SLIT3: variants seen among roughly 807,000 people sequenced by gnomAD.
SLIT3 encodes slit guidance ligand 3, also known as slit homolog 3 protein.
In SLIT3, 68 loss-of-function variants were observed where a neutral mutation model predicts 184.0. The ratio of observed to expected loss-of-function variants is 0.37; its 90% CI spans 0.30 to 0.45. SLIT3 has a LOEUF of 0.45. SLIT3 is among the 20% of genes least tolerant of loss of function. The probability of loss-of-function intolerance (pLI) is 1.00; values close to 1 mark genes in which losing one functional copy is unlikely to be tolerated. For synonymous variants in SLIT3, 831 were observed against 828.6 expected (o/e 1.00, Z -0.05); for missense variants, 1,707 against 2,026.0 (o/e 0.84, Z 3.02).
intron 4 of SLIT3, among the ~76,000 whole-genome samples, chr5:169,187,740 G>C (rs1763404835): frequency 1.3e-5 from 2 of 151,736 alleles, no homozygotes; most frequent in South Asian, 4.2e-4. Flanking sequence ...TTTTAGTAGA[G>C]ACGGGGTTTC....
At chr5:169,285,693 C>A (rs1027830075) in intron 1 of SLIT3, among the ~76,000 whole-genome samples, 4 of 152,202 alleles carry the variant, frequency 2.6e-5, no homozygotes. Context: ...TACTCAGAGG[C>A]CACCATGTTG....
chr5:169,005,574 A>G (rs1202372448), intron 4 of SLIT3, among the ~76,000 whole-genome samples: 1 of 152,208 alleles, frequency 6.6e-6, no homozygotes, highest in Non-Finnish European at 1.5e-5. Flanking sequence ...GTTTAACACC[A>G]TTTGGAAAGG....
At chr5:169,168,454 C>T (rs372820833) in intron 4 of SLIT3, among the ~76,000 whole-genome samples, 1 of 152,158 alleles carries the variant, frequency 6.6e-6, no homozygotes, top group South Asian at 2.1e-4. Flanking sequence ...AAATGCACTC[C>T]ACTAGTCAGA....
intron 4 of SLIT3, among the ~76,000 whole-genome samples, chr5:169,002,810 T>C (rs1406341622): frequency 2.0e-5 from 3 of 152,282 alleles, no homozygotes; most frequent in Non-Finnish European, 2.9e-5. Flanking sequence ...TACTGTTTAC[T>C]TGTTTTACCT....
rs1760477351 is a variant in SLIT3 at position 168,891,896 on chromosome 5, C to T, written c.414-8560G>A. On this transcript the variant is annotated intron_variant, in intron 4 of 35. Coordinates refer to ENST00000519560, the MANE Select transcript of SLIT3 (RefSeq NM_003062.4). ...AGGAAGTCGGGCTGCATGTGGACAACAGGAATAGTCAGAAAGCGAGCTGGG... is the reference window on the plus strand; with the variant it reads ...AGGAAGTCGGGCTGCATGTGGACAATAGGAATAGTCAGAAAGCGAGCTGGG... Among the ~76,000 whole-genome samples the T allele has an allele frequency of 2.0e-5, 3 of 152,138 alleles. No homozygotes were observed. The South Asian group carries it at 6.2e-4, about 32-fold the overall frequency.
At chr5:169,132,181 A>G (rs1173982696) in intron 4 of SLIT3, among the ~76,000 whole-genome samples, 1 of 152,180 alleles carries the variant, frequency 6.6e-6, no homozygotes, top group Non-Finnish European at 1.5e-5. Flanking sequence ...GGTAAAGAAA[A>G]AGGAAGGGGG....
At chr5:168,730,117 A>G (rs1205386738) in intron 20 of SLIT3, among the ~76,000 whole-genome samples, 1 of 152,094 alleles carries the variant, frequency 6.6e-6, no homozygotes, top group Non-Finnish European at 1.5e-5. Context: ...AACAGTAAAA[A>G]AAAAAGACAA....
At chr5:168,837,168 A>G (rs1010996576) in intron 6 of SLIT3, among the ~76,000 whole-genome samples, 1 of 152,296 alleles carries the variant, frequency 6.6e-6, no homozygotes, top group African/African-American at 2.4e-5. Context: ...GATGCTTTCT[A>G]TAGAGTGCAA....
intron 4 of SLIT3, among the ~76,000 whole-genome samples, chr5:168,899,895 T>C (rs62377165): frequency 0.079 from 12,052 of 152,108 alleles, 619 homozygotes; most frequent in Non-Finnish European, 0.12. Flanking sequence ...GTGTCTGTGG[T>C]CTCTCACCCT....
intron 4 of SLIT3, among the ~76,000 whole-genome samples, chr5:169,136,255 G>A (rs893800776): frequency 3.3e-5 from 5 of 152,204 alleles, no homozygotes; most frequent in African/African-American, 1.2e-4. Context: ...CTACGAGACT[G>A]AAACAGCAGT....
intron 4 of SLIT3, among the ~76,000 whole-genome samples, chr5:169,042,122 G>C (rs1053424103): frequency 6.6e-6 from 1 of 152,158 alleles, no homozygotes; most frequent in South Asian, 2.1e-4. Context: ...ATCGTAGAAC[G>C]GTCCAGTTCA....
chr5:169,158,486 T>A (rs569586939), intron 4 of SLIT3, among the ~76,000 whole-genome samples: 2 of 151,850 alleles, frequency 1.3e-5, no homozygotes, highest in South Asian at 4.2e-4. Context: ...AAAAAAATCC[T>A]CTAAACAAAA....
rs112603434 is a variant in SLIT3 at position 169,296,329 on chromosome 5, T to A, written c.197+4184A>T. Among the ~76,000 whole-genome samples, 243 of 152,292 alleles carry A rather than the reference T, an allele frequency of 1.6e-3. 1 individual carries two copies. The highest frequency in any genetic ancestry group is 5.8e-3 in the African/African-American group (239 of 41,548). On this transcript the variant is annotated intron_variant, in intron 1 of 35. Transcript: ENST00000519560. ...AGTTCCCCCAGTGGACTATAACCAC[T>A]AAGAAAACCACTAAGACTATACAAG... is the stretch of plus-strand genomic sequence containing the variant.
At chr5:168,728,605 A>G (rs1227180270) in intron 20 of SLIT3, among the ~76,000 whole-genome samples, 1 of 152,114 alleles carries the variant, frequency 6.6e-6, no homozygotes, top group African/African-American at 2.4e-5. Context: ...ATTTCCAAGG[A>G]CACAGACATC....
At chr5:169,005,882 GCAAA>G (rs1755905794) in intron 4 of SLIT3, among the ~76,000 whole-genome samples, 1 of 152,218 alleles carries the variant, frequency 6.6e-6, no homozygotes, top group Non-Finnish European at 1.5e-5. Flanking sequence ...GGTTGGTGTT[GCAAA>G]CAAACAGCAG....
intron 4 of SLIT3, among the ~76,000 whole-genome samples, chr5:168,974,162 T>C (rs896384088): frequency 3.3e-5 from 5 of 152,216 alleles, no homozygotes; most frequent in African/African-American, 1.2e-4. Flanking sequence ...TGCAGCGTCT[T>C]GTTCAAGGTC....
chr5:168,891,355 A>C (rs1183026143), intron 4 of SLIT3, among the ~76,000 whole-genome samples: 1 of 152,160 alleles, frequency 6.6e-6, no homozygotes, highest in Non-Finnish European at 1.5e-5. Context: ...AGGCTGACCT[A>C]GAAGGGTAAG....
chr5:168,980,051 G>GCAAAAACACACAACTCCGAGGCCC (rs1290686979), intron 4 of SLIT3, among the ~76,000 whole-genome samples: 2 of 151,998 alleles, frequency 1.3e-5, no homozygotes, highest in Admixed American at 6.6e-5. Flanking sequence ...TCACCAAGCA[G>GCAAAAACACACAACTCCGAGGCCC]CAAAAACACA....
intron 20 of SLIT3, among the ~76,000 whole-genome samples, chr5:168,743,546 C>T (rs1358683657): frequency 2.6e-5 from 4 of 152,172 alleles, no homozygotes; most frequent in Non-Finnish European, 4.4e-5. Context: ...TCCCTCTCCT[C>T]GGACCTCCCT....
Sources: allele counts gnomAD v4.1 joint callset (sites outside exome capture counted in the v4.1 genomes callset), GRCh38; gene constraint gnomAD v4.1.1; transcripts MANE v1.5; gene names NCBI Gene and HGNC (gene_info 2026-07-23, HGNC 2026-07-21).